Variants in EFCAB11 observed in about 807,000 individuals in gnomAD.
EFCAB11 encodes EF-hand calcium-binding domain-containing protein 11.
A neutral mutation model predicts 23.0 loss-of-function variants in EFCAB11; 14 were observed. That is an observed-to-expected ratio of 0.61 (90% CI 0.40 to 0.95). The LOEUF is 0.95. Among genes scored for constraint, EFCAB11 ranks in the 40% least tolerant of loss-of-function variants. EFCAB11 has a pLI of 0.00. For missense variants in EFCAB11, 198 were observed against 195.8 expected, an observed-to-expected ratio of 1.01 and a Z score of -0.07; for synonymous variants, 65 against 66.6, an observed-to-expected ratio of 0.98 and a Z score of 0.11.
intron 5 of EFCAB11, chr14:89,831,321 T>C (rs746031675): frequency 6.6e-6 from 1 of 152,206 alleles, no homozygotes; most frequent in Non-Finnish European, 1.5e-5. Flanking sequence ...GTTTTGAACA[T>C]GGAGATGTCT....
chr14:89,894,247 G>A (rs1056409371), intron 5 of EFCAB11, among the ~76,000 whole-genome samples: 10 of 151,978 alleles, frequency 6.6e-5, no homozygotes, highest in Non-Finnish European at 1.0e-4. Context: ...ACCGCACCCA[G>A]CCTTGATTTT....
rs184448552 is a variant in EFCAB11, at chr14:89,798,144, T to C, written c.411-820A>G. On this transcript the variant is annotated intron_variant, in intron 5 of 5. Coordinates refer to ENST00000316738, the MANE Select transcript of EFCAB11 (RefSeq NM_145231.4). ...GCAAGAGAGCCACTAATCACTGTAA[T>C]AGTTTTAAAGCAGGCTTTTAAAATA... Among the ~76,000 whole-genome samples, 122 of 152,344 alleles carry C rather than the reference T, an allele frequency of 8.0e-4. 1 individual carries two copies. The highest frequency in any genetic ancestry group is 7.5e-3 in the Admixed American group (115 of 15,302).
At chr14:89,939,856 A>G (rs752914313) in intron 3 of EFCAB11, among the ~76,000 whole-genome samples, 2 of 152,130 alleles carry the variant, frequency 1.3e-5, no homozygotes, top group Non-Finnish European at 2.9e-5. Flanking sequence ...CTCCTGCCTC[A>G]GCCTCTGGAG....
intron 5 of EFCAB11, chr14:89,892,453 G>C (rs1455533481): frequency 1.3e-6 from 2 of 1,541,318 alleles, no homozygotes; most frequent in Non-Finnish European, 1.7e-6. Flanking sequence ...GACTCTAGGA[G>C]AGAAAGGGTT....
intron 5 of EFCAB11, among the ~76,000 whole-genome samples, chr14:89,813,560 C>T (rs1051474899): frequency 1.2e-4 from 17 of 140,050 alleles, no homozygotes; most frequent in Admixed American, 3.4e-4. Flanking sequence ...TTTCTTCAGA[C>T]CTTTCTCTAT....
Position 89,898,925 on chromosome 14 carries a change from C to T in EFCAB11, c.410+32616G>A, listed in dbSNP as rs372826193. 3.2e-4 allele frequency among the ~76,000 whole-genome samples: 49 copies of T among 151,882 alleles called. No individual in the cohort carries two copies. In the South Asian group the frequency reaches 9.0e-3, roughly 28 times the overall value. On this transcript the variant is annotated intron_variant, in intron 5 of 5. Transcript: ENST00000316738. ...CTGGCCTCAAGCCATCCTCCCACCTCGGACTCCCAAAGTGCTAGGATTCCA... is the reference window on the plus strand; with the variant it reads ...CTGGCCTCAAGCCATCCTCCCACCTTGGACTCCCAAAGTGCTAGGATTCCA...
At chr14:89,811,703 G>C (rs73316893) in intron 5 of EFCAB11, among the ~76,000 whole-genome samples, 8,185 of 152,232 alleles carry the variant, frequency 0.054, 658 homozygotes, top group African/African-American at 0.17. Context: ...AGTAGACATG[G>C]CTTCTCCCCT....
At chr14:89,944,611 C>T (rs925840362) in intron 3 of EFCAB11, among the ~76,000 whole-genome samples, 1 of 151,924 alleles carries the variant, frequency 6.6e-6, no homozygotes, top group Non-Finnish European at 1.5e-5. Context: ...GGAATATTCA[C>T]AAAAAACCCT....
Position 89,912,198 on chromosome 14 carries a change from T to C in EFCAB11, c.410+19343A>G, listed in dbSNP as rs537884964. Among the ~76,000 whole-genome samples the C allele has an allele frequency of 2.6e-5, 4 of 152,102 alleles. No individual in the cohort carries two copies. In the South Asian group the frequency reaches 8.3e-4, roughly 32 times the overall value. ...TAAAACTGAGGTAAAATGGTTTCAT[T>C]GAAAAAAGAAAAAACTAGAATTCCT... On this transcript the variant is annotated intron_variant, in intron 5 of 5. Coordinates refer to ENST00000316738, the MANE Select transcript of EFCAB11 (RefSeq NM_145231.4).
Position 89,794,990 on chromosome 14 carries a change from T to G in EFCAB11, c.*2253A>C, listed in dbSNP as rs2140065755. The G allele has an allele frequency of 7.0e-6, 1 of 142,176 alleles. No homozygotes were observed. The highest frequency in any genetic ancestry group is 2.6e-5 in the African/African-American group (1 of 38,414). The allele number at this position is 142,176 out of a possible 1,614,324, so 8.8% of individuals were successfully genotyped here. A position where few individuals can be genotyped will look rare whatever the true frequency, so the allele number is the denominator to read the frequency against. ...TGTCTTTTTTTTTTTTTTTTTTTTTTTTTTTGAGAGGGAGTCTCGCTCTGT... is the reference window on the plus strand; with the variant it reads ...TGTCTTTTTTTTTTTTTTTTTTTTTGTTTTTGAGAGGGAGTCTCGCTCTGT... On this transcript the variant is annotated 3_prime_UTR_variant, in exon 6 of 6. Coordinates refer to ENST00000316738, the MANE Select transcript of EFCAB11 (RefSeq NM_145231.4).
At chr14:89,843,423 TA>T (rs1887333567) in intron 5 of EFCAB11, among the ~76,000 whole-genome samples, 1 of 152,240 alleles carries the variant, frequency 6.6e-6, no homozygotes, top group Non-Finnish European at 1.5e-5. Flanking sequence ...TATTCCCTAA[TA>T]AATTATAGCT....
At chr14:89,849,447 G>A (rs1210403104) in intron 5 of EFCAB11, among the ~76,000 whole-genome samples, 2 of 152,162 alleles carry the variant, frequency 1.3e-5, no homozygotes, top group Non-Finnish European at 2.9e-5. Context: ...ATCTATTTTG[G>A]TAGGGAAGAA....
intron 5 of EFCAB11, chr14:89,830,875 T>G (rs1488917365): frequency 6.6e-6 from 1 of 152,182 alleles, no homozygotes; most frequent in Admixed American, 6.5e-5. Flanking sequence ...AAAAGCAACA[T>G]AGTAAGTGGT....
At chr14:89,864,905 T>C (rs1596409534) in intron 5 of EFCAB11, among the ~76,000 whole-genome samples, 1 of 152,194 alleles carries the variant, frequency 6.6e-6, no homozygotes, top group Non-Finnish European at 1.5e-5. Flanking sequence ...GCTCCAGAGA[T>C]TATACTCCAC....
chr14:89,837,648 TA>T (rs1483714102), intron 5 of EFCAB11, among the ~76,000 whole-genome samples: 1 of 152,134 alleles, frequency 6.6e-6, no homozygotes, highest in African/African-American at 2.4e-5. Context: ...GAACCATTTT[TA>T]AAAACAAGAA....
rs61431109 is a variant in EFCAB11, at chr14:89,879,074, C to T, written c.410+52467G>A. 2.5e-3 allele frequency among the ~76,000 whole-genome samples: 376 copies of T among 152,218 alleles called. 2 individuals are homozygous for T. Among genetic ancestry groups the T allele is most frequent in the African/African-American group, 8.8e-3 (364 of 41,552 alleles). ...GCCGAGACATGATCCCCCCATCTCC[C>T]TGTCCTCTGATCATTACTAAACTGC... On this transcript the variant is annotated intron_variant, in intron 5 of 5. Transcript: ENST00000316738.
chr14:89,884,403 C>A (rs1888690192), intron 5 of EFCAB11, among the ~76,000 whole-genome samples: 1 of 151,936 alleles, frequency 6.6e-6, no homozygotes, highest in African/African-American at 2.4e-5. Context: ...TTATTTATCC[C>A]CTAAAAACAT....
intron 5 of EFCAB11, among the ~76,000 whole-genome samples, chr14:89,875,922 A>G (rs1463090789): frequency 6.6e-6 from 1 of 152,192 alleles, no homozygotes; most frequent in Non-Finnish European, 1.5e-5. Flanking sequence ...TTGGCTGTTA[A>G]AGGTCAGACT....
chr14:89,881,901 C>T (rs1888613618), intron 5 of EFCAB11, among the ~76,000 whole-genome samples: 1 of 152,146 alleles, frequency 6.6e-6, no homozygotes, highest in Non-Finnish European at 1.5e-5. Context: ...GGGTCTACAA[C>T]CAAGATCAGT....
Sources: allele counts gnomAD v4.1 joint callset (sites outside exome capture counted in the v4.1 genomes callset), GRCh38; gene constraint gnomAD v4.1.1; transcripts MANE v1.5; gene names NCBI Gene and HGNC (gene_info 2026-07-23, HGNC 2026-07-21).